Variants in ATP8A2 observed in about 807,000 individuals in gnomAD.
ATP8A2 encodes phospholipid-transporting ATPase IB.
In ATP8A2, 100 loss-of-function variants were observed where a neutral mutation model predicts 165.6. The ratio of observed to expected loss-of-function variants is 0.60; its 90% CI spans 0.51 to 0.71. The LOEUF is 0.71. Ranked by LOEUF, ATP8A2 falls within the 30% of genes least tolerant of loss-of-function variation. The pLI is 0.00. For missense variants in ATP8A2, 1,227 were observed against 1,479.5 expected (o/e 0.83, Z 2.80); for synonymous variants, 543 against 548.8 (o/e 0.99, Z 0.15).
intron 25 of ATP8A2, among the ~76,000 whole-genome samples, chr13:25,764,708 C>G (rs541144331): frequency 6.6e-6 from 1 of 152,174 alleles, no homozygotes; most frequent in African/African-American, 2.4e-5. Flanking sequence ...TCCTTTTAGT[C>G]ATAAGGACTG....
intron 25 of ATP8A2, among the ~76,000 whole-genome samples, chr13:25,738,350 C>CACA (rs1368039091): frequency 3.9e-4 from 38 of 97,858 alleles, no homozygotes; most frequent in Non-Finnish European, 7.0e-4. Flanking sequence ...TCCCCCCCCC[C>CACA]CACACACACT....
chr13:25,819,216 T>G (rs1219740713), intron 27 of ATP8A2, among the ~76,000 whole-genome samples: 1 of 152,182 alleles, frequency 6.6e-6, no homozygotes, highest in African/African-American at 2.4e-5. Flanking sequence ...TGAAAAGTCC[T>G]TAGAAGTGTT....
rs147661103 is a variant in ATP8A2 at position 25,708,125 on chromosome 13, G to A, written c.2384+8780G>A. On this transcript the variant is annotated intron_variant, in intron 25 of 36. Coordinates refer to ENST00000381655, the MANE Select transcript of ATP8A2 (RefSeq NM_016529.6). The stretch of plus-strand genomic sequence containing the variant: ...AATACTGCTTGCCAAATGAAACAGG[G>A]TGATACGAGGTCACACTGTGGCCTA... 4.9e-3 allele frequency among the ~76,000 whole-genome samples: 749 copies of A among 152,216 alleles called. 2 individuals are homozygous for A. Among genetic ancestry groups the A allele is most frequent in the Non-Finnish European group, 8.3e-3 (564 of 68,010 alleles).
At chr13:25,937,115 G>C (rs1954913533) in intron 33 of ATP8A2, among the ~76,000 whole-genome samples, 1 of 151,924 alleles carries the variant, frequency 6.6e-6, no homozygotes, top group Non-Finnish European at 1.5e-5. Context: ...TTGGTAATAA[G>C]GAAAACAAAG....
chr13:25,924,107 CCCT>C (rs1954532993), intron 33 of ATP8A2, among the ~76,000 whole-genome samples: 2 of 152,324 alleles, frequency 1.3e-5, no homozygotes, highest in South Asian at 4.2e-4. Flanking sequence ...ACAGCACAGT[CCCT>C]CCTCCTTCCA....
intron 24 of ATP8A2, among the ~76,000 whole-genome samples, chr13:25,592,133 C>T (rs2040100421): frequency 1.3e-5 from 2 of 151,678 alleles, no homozygotes; most frequent in African/African-American, 4.8e-5. Context: ...GACATCTTTA[C>T]ATGTGCCTTT....
At chr13:25,560,718 A>T (rs2039120447) in intron 15 of ATP8A2, among the ~76,000 whole-genome samples, 1 of 151,282 alleles carries the variant, frequency 6.6e-6, no homozygotes, top group Admixed American at 6.6e-5. Context: ...AAAAAAAAAA[A>T]AAAAAAGACA....
chr13:25,923,310 C>T (rs773652174), intron 33 of ATP8A2, among the ~76,000 whole-genome samples: 3 of 152,080 alleles, frequency 2.0e-5, no homozygotes, highest in Admixed American at 1.3e-4. Flanking sequence ...TCACTTTCAG[C>T]GAACATTTAT....
intron 1 of ATP8A2, among the ~76,000 whole-genome samples, chr13:25,399,782 TTCC>T (rs1454052177): frequency 2.0e-5 from 3 of 150,824 alleles, no homozygotes; most frequent in East Asian, 1.9e-4. Context: ...CCTCTTCTGC[TTCC>T]TCCTCTTCTT....
chr13:25,617,349 T>C (rs1393318296), intron 24 of ATP8A2, among the ~76,000 whole-genome samples: 1 of 152,238 alleles, frequency 6.6e-6, no homozygotes, highest in African/African-American at 2.4e-5. Context: ...TACAGGAAAG[T>C]CAGATATTAG....
At chr13:25,642,907 T>A (rs2041569265) in intron 24 of ATP8A2, among the ~76,000 whole-genome samples, 1 of 152,220 alleles carries the variant, frequency 6.6e-6, no homozygotes, top group African/African-American at 2.4e-5. Context: ...GTTCATGTCC[T>A]TTGTAGGGAC....
chr13:25,426,782 A>C (rs2034460527), intron 1 of ATP8A2, among the ~76,000 whole-genome samples: 1 of 152,038 alleles, frequency 6.6e-6, no homozygotes, highest in South Asian at 2.1e-4. Context: ...GTCTCTACCA[A>C]AAATATAAAA....
At chr13:25,391,519 A>C (rs9551202) in intron 1 of ATP8A2, among the ~76,000 whole-genome samples, 87,424 of 152,164 alleles carry the variant, frequency 0.57, 26,810 homozygotes, top group East Asian at 0.73. Context: ...CTGCTGGGGG[A>C]AACAGCAAGA....
chr13:25,377,109 G>T (rs920875075), intron 1 of ATP8A2, among the ~76,000 whole-genome samples: 26 of 152,170 alleles, frequency 1.7e-4, no homozygotes, highest in Non-Finnish European at 3.7e-4. Flanking sequence ...TAGACAAATG[G>T]AATATTTTAC....
intron 1 of ATP8A2, among the ~76,000 whole-genome samples, chr13:25,392,792 T>A (rs1356843117): frequency 1.3e-5 from 2 of 152,092 alleles, no homozygotes; most frequent in Admixed American, 6.6e-5. Flanking sequence ...AACTGGATTC[T>A]AAGCCGGGCG....
chr13:25,845,638 C>G (rs1414502502), intron 30 of ATP8A2, among the ~76,000 whole-genome samples: 1 of 152,154 alleles, frequency 6.6e-6, no homozygotes, highest in African/African-American at 2.4e-5. Context: ...GTTTTGTATA[C>G]TGAAATAGTA....
intron 25 of ATP8A2, among the ~76,000 whole-genome samples, chr13:25,743,117 A>G (rs1431230680): frequency 6.6e-6 from 1 of 152,048 alleles, no homozygotes; most frequent in Non-Finnish European, 1.5e-5. Flanking sequence ...TCATCTTAAT[A>G]CACCTTTATA....
intron 1 of ATP8A2, among the ~76,000 whole-genome samples, chr13:25,378,934 C>A (rs2032739935): frequency 6.6e-6 from 1 of 152,192 alleles, no homozygotes; most frequent in Non-Finnish European, 1.5e-5. Context: ...ATCCTCACAC[C>A]ATCCCTCTGA....
rs1957090806 is a variant in ATP8A2, at chr13:26,022,181, T to G, written c.*2196T>G. ...GACAAACCAAGGTGTATGGTTTCTT[T>G]GCACACCCAGAAAGGTGATGGCCAA... On this transcript the variant is annotated 3_prime_UTR_variant, in exon 37 of 37. Coordinates refer to ENST00000381655, the MANE Select transcript of ATP8A2 (RefSeq NM_016529.6). 1 of 152,214 alleles carries G rather than the reference T, an allele frequency of 6.6e-6. No homozygotes were observed. The highest frequency in any genetic ancestry group is 1.5e-5 in the Non-Finnish European group (1 of 68,044). The allele number at this position is 152,214 out of a possible 1,614,324, so 9.4% of individuals were successfully genotyped here.
Sources: gnomAD v4.1 joint callset for allele counts (sites outside exome capture counted in the v4.1 genomes callset) on GRCh38, gnomAD v4.1.1 for gene constraint, MANE v1.5 for transcripts, NCBI Gene and HGNC (gene_info 2026-07-23, HGNC 2026-07-21) for gene names.